The following RFX6 variants were observed in gnomAD, a reference collection of about 807,000 sequenced individuals.
RFX6 encodes the protein DNA-binding protein RFX6.
In RFX6, 50 loss-of-function variants were observed where a neutral mutation model predicts 110.8. The ratio of observed to expected loss-of-function variants is 0.45; its 90% CI spans 0.36 to 0.57. The LOEUF (loss-of-function observed/expected upper bound fraction) is 0.57. Ranked by LOEUF, RFX6 falls within the 20% of genes least tolerant of loss-of-function variation. The pLI is 0.00. For synonymous variants in RFX6, 383 were observed against 411.2 expected, an observed-to-expected ratio of 0.93 and a Z score of 0.83; for missense variants, 990 against 1,127.0, an observed-to-expected ratio of 0.88 and a Z score of 1.74.
At chr6:116,905,773 A>G (rs1180636519) in intron 6 of RFX6, among the ~76,000 whole-genome samples, 1 of 151,916 alleles carries the variant, frequency 6.6e-6, no homozygotes, top group African/African-American at 2.4e-5. Context: ...GATGTTCTCA[A>G]TCTCTTGACC....
chr6:116,914,502 C>T (rs919870423), intron 7 of RFX6, among the ~76,000 whole-genome samples: 3 of 152,134 alleles, frequency 2.0e-5, no homozygotes, highest in Admixed American at 6.5e-5. Flanking sequence ...TGTTACTCAT[C>T]CTCATTTTAA....
intron 6 of RFX6, among the ~76,000 whole-genome samples, chr6:116,896,748 G>T (rs1288746396): frequency 6.6e-6 from 1 of 152,058 alleles, no homozygotes; most frequent in Non-Finnish European, 1.5e-5. Context: ...ACCATCGTTG[G>T]TGTGCTCAGA....
intron 7 of RFX6, among the ~76,000 whole-genome samples, chr6:116,911,449 C>CATGCTAGATGAATGCAAGAACT (rs1775349358): frequency 6.6e-6 from 1 of 152,134 alleles, no homozygotes. Context: ...CACTGAGGGA[C>CATGCTAGATGAATGCAAGAACT]ATGCTAGATG....
At chr6:116,924,565 G>C (rs879160306) in intron 14 of RFX6, 104 bp from the exon 15 acceptor site, 4 of 1,054,074 alleles carry the variant, frequency 3.8e-6, no homozygotes, top group Non-Finnish European at 5.9e-6. Context: ...AAAGTGTTGC[G>C]AGATGGTCAC....
chr6:116,893,271 T>C (rs1582515496), intron 4 of RFX6, among the ~76,000 whole-genome samples: 1 of 152,298 alleles, frequency 6.6e-6, no homozygotes, highest in East Asian at 1.9e-4. Flanking sequence ...TTGTAGTGTT[T>C]GTATATGGGT....
intron 3 of RFX6, 146 bp downstream of exon 3, chr6:116,880,813 G>A (rs559897961): frequency 3.1e-5 from 26 of 832,352 alleles, no homozygotes; most frequent in Non-Finnish European, 9.9e-6. Context: ...GACTCTGTTT[G>A]GAATTGCTAT....
rs1775881850 is a variant in RFX6 at position 116,931,424 on chromosome 6, A to G, written c.2705A>G (p.His902Arg). Residue 902 changes from histidine to arginine, a missense_variant, in exon 19 of 19, where the codon CAT becomes CGT. By Grantham distance (29) the His-to-Arg change is conservative (BLOSUM62 0). Transcript: ENST00000332958. ...QYPAQETLDS[H>R]GTSSREMVSS... ...CCAGCTCAAGAAACCCTGGACTCCCATGGAACAAGCAGTAGAGAAATGGTG... is the reference window on the plus strand; with the variant it reads ...CCAGCTCAAGAAACCCTGGACTCCCGTGGAACAAGCAGTAGAGAAATGGTG... 1 of 1,612,812 alleles carries G rather than the reference A, an allele frequency of 6.2e-7. No homozygotes were observed. Among genetic ancestry groups the G allele is most frequent in the Admixed American group, 1.7e-5 (1 of 59,988 alleles).
Position 116,928,863 on chromosome 6 carries a change from A to T in RFX6, c.2503A>T (p.Ser835Cys). 1.2e-6 allele frequency: 2 copies of T among 1,613,870 alleles called. No homozygotes were observed. The highest frequency in any genetic ancestry group is 1.7e-6 in the Non-Finnish European group (2 of 1,179,736). Residue 835 changes from serine to cysteine, a missense_variant, in exon 18 of 19, where the codon AGT (serine) becomes TGT (cysteine). Ser to Cys is a moderately radical substitution (Grantham distance 112). Around this residue, in one of 5 missense-constraint regions of RFX6, gnomAD observed 438 missense variants for 441.9 expected, o/e 0.99. Coordinates refer to ENST00000332958, the MANE Select transcript of RFX6 (RefSeq NM_173560.4). Reference protein sequence around the residue: ...ISSIRSLPPYSDIHDPLNILD... With the variant: ...ISSIRSLPPYCDIHDPLNILD... ...CAGCATTCGTTCACTGCCCCCCTAC[A>T]GTGACATCCACGATCCACTTAACAT...
At chr6:116,878,645 A>G (rs981036860) in intron 2 of RFX6, among the ~76,000 whole-genome samples, 1 of 151,892 alleles carries the variant, frequency 6.6e-6, no homozygotes, top group Non-Finnish European at 1.5e-5. Context: ...AAAGCATTAT[A>G]TTAAACTTTC....
chr6:116,895,629 G>T (rs1774927175), intron 6 of RFX6, among the ~76,000 whole-genome samples: 1 of 148,190 alleles, frequency 6.7e-6, no homozygotes, highest in Non-Finnish European at 1.5e-5. Flanking sequence ...ACTATGGTTT[G>T]TTTTACTACT....
chr6:116,924,651 TCTC>T lies in RFX6; in HGVS notation c.1556-16_1556-14del, dbSNP rs1775669767. The T allele has an allele frequency of 2.5e-6, 4 of 1,606,708 alleles. No individual in the cohort carries two copies. Among genetic ancestry groups the T allele is most frequent in the Non-Finnish European group, 3.4e-6 (4 of 1,173,604 alleles). ...ACATTTCACACTGTCCTCTCCTCAT[TCTC>T]CATCCATAAACAAGGTTCTTTTCAT... On this transcript the variant is annotated splice_polypyrimidine_tract_variant and intron_variant, in intron 14 of 18. Transcript: ENST00000332958.
At chr6:116,907,487 G>C (rs1393792842) in intron 6 of RFX6, among the ~76,000 whole-genome samples, 1 of 151,984 alleles carries the variant, frequency 6.6e-6, no homozygotes, top group Non-Finnish European at 1.5e-5. Context: ...CCAACTCTGG[G>C]GCTTTTCTTT....
intron 9 of RFX6, among the ~76,000 whole-genome samples, chr6:116,916,977 T>G (rs1381321280): frequency 6.6e-6 from 1 of 152,086 alleles, no homozygotes; most frequent in Non-Finnish European, 1.5e-5. Flanking sequence ...GCTTTCTAAC[T>G]TACCATAAGG....
intron 16 of RFX6, among the ~76,000 whole-genome samples, chr6:116,926,143 C>T (rs1286856827): frequency 6.6e-6 from 1 of 152,054 alleles, no homozygotes; most frequent in African/African-American, 2.4e-5. Flanking sequence ...ATGGCAAAAC[C>T]CCGTCTCTAC....
chr6:116,927,699 T>C (rs1230543034), intron 17 of RFX6, among the ~76,000 whole-genome samples, 160 bp downstream of exon 17: 2 of 151,884 alleles, frequency 1.3e-5, no homozygotes, highest in Non-Finnish European at 2.9e-5. Context: ...CACATACATA[T>C]ATATTTCCTA....
chr6:116,878,336 G>A (rs1453609531), intron 2 of RFX6, among the ~76,000 whole-genome samples: 1 of 152,110 alleles, frequency 6.6e-6, no homozygotes, highest in Non-Finnish European at 1.5e-5. Flanking sequence ...AACTTAAAAT[G>A]AGGAAGGATC....
chr6:116,893,933 C>A, intron 4 of RFX6, 54 bp from the exon 5 acceptor site: 5 of 1,000,714 alleles, frequency 5.0e-6, no homozygotes, highest in Non-Finnish European at 8.1e-6. Context: ...GTCTCTTTTT[C>A]CCCTCCAAAA....
chr6:116,877,903 A>C lies in RFX6; in HGVS notation c.331A>C (p.Thr111Pro). ...DQYLSQKKTI[T>P]QIVKDKKKQT... ...ATACCTGTCTCAGAAGAAAACCATC[A>C]CGCAGATTGTGAAGGATAAAAAGAA... Residue 111 changes from threonine (T) to proline (P), a missense_variant, in exon 2 of 19, where the codon ACG (threonine) becomes CCG (proline). By Grantham distance (38) the Thr-to-Pro change is conservative. Transcript: ENST00000332958. 8.1e-6 allele frequency: 13 copies of C among 1,614,200 alleles called. No individual in the cohort carries two copies. Among genetic ancestry groups the C allele is most frequent in the Non-Finnish European group, 1.1e-5 (13 of 1,180,030 alleles).
At chr6:116,915,960 G>T (rs1280436839) in intron 7 of RFX6, 48 bp from the exon 8 acceptor site, 2 of 1,195,202 alleles carry the variant, frequency 1.7e-6, no homozygotes, top group South Asian at 1.2e-5. Flanking sequence ...ACAAGAAAAG[G>T]CAGTGTTAAA....
Sources: gnomAD v4.1 joint callset for allele counts (sites outside exome capture counted in the v4.1 genomes callset) on GRCh38, gnomAD v4.1.1 for gene constraint, gnomAD v4.1.1 regional missense constraint, MANE v1.5 for transcripts, NCBI Gene and HGNC (gene_info 2026-07-23, HGNC 2026-07-21) for gene names.